IL1RAPL1: variants seen among roughly 807,000 people sequenced by gnomAD.
The protein encoded by IL1RAPL1 is interleukin-1 receptor accessory protein-like 1.
A neutral mutation model predicts 48.4 loss-of-function variants in IL1RAPL1; 3 were observed. That is an observed-to-expected ratio of 0.06 (90% CI 0.03 to 0.16). The LOEUF is 0.16. Ranked by LOEUF, IL1RAPL1 falls within the 10% of genes least tolerant of loss-of-function variation. The pLI is 1.00. For missense variants in IL1RAPL1, 349 were observed against 530.6 expected (o/e 0.66, Z 3.36); for synonymous variants, 185 against 187.7 (o/e 0.99, Z 0.12).
In IL1RAPL1 at chrX:29,408,278, T is replaced by C. The variant is rs187628647; in HGVS notation, c.703+8970T>C. Among the ~76,000 whole-genome samples the C allele has an allele frequency of 3.0e-4, 33 of 111,858 alleles. No individual in the cohort carries two copies. The East Asian group carries it at 9.2e-3, about 31-fold the overall frequency. Reference sequence around the variant, plus strand: ...ACTATATAGGATTTTTTTAGATGTATTGATTACATTACATGATTTTCATTT... The same window carrying C: ...ACTATATAGGATTTTTTTAGATGTACTGATTACATTACATGATTTTCATTT... On this transcript the variant is annotated intron_variant, in intron 5 of 10. Transcript: ENST00000378993.
intron 3 of IL1RAPL1, among the ~76,000 whole-genome samples, chrX:29,348,284 A>G (rs925685972): frequency 8.9e-6 from 1 of 112,155 alleles, no homozygotes; most frequent in African/African-American, 3.2e-5. Flanking sequence ...GAGATGGGAC[A>G]CCCCAGGTAA....
rs1037686764 is a variant in IL1RAPL1, at chrX:28,667,641, C to G, written c.-25+79594C>G. On this transcript the variant is annotated intron_variant, in intron 1 of 10. Coordinates refer to ENST00000378993, the MANE Select transcript of IL1RAPL1 (RefSeq NM_014271.4). ...TCTCCTGGTGAATGATGTTCTGAAC[C>G]TGTCTTAGGCTGTTGTATAACAAAG... 8.0e-5 allele frequency among the ~76,000 whole-genome samples: 9 copies of G among 112,156 alleles called. 1 individual carries two copies. In the Admixed American group the frequency reaches 8.5e-4, roughly 11 times the overall value.
intron 2 of IL1RAPL1, among the ~76,000 whole-genome samples, chrX:28,875,644 A>ATAGCTTGG (rs1224156894): frequency 9.0e-6 from 1 of 111,082 alleles, no homozygotes; most frequent in Non-Finnish European, 1.9e-5. Flanking sequence ...TTTCTTATGA[A>ATAGCTTGG]TAGCTTGGTG....
intron 6 of IL1RAPL1, among the ~76,000 whole-genome samples, chrX:29,692,481 C>T (rs905012614): frequency 9.0e-6 from 1 of 111,670 alleles, no homozygotes. Flanking sequence ...TTTTTGGGAC[C>T]TTTCCTACAC....
In IL1RAPL1 at chrX:29,188,762, T is replaced by G. The variant is rs568236619; in HGVS notation, c.83-94176T>G. ...CCACCATGCCTGGCTAATTTTTTTA[T>G]TTTTAGTAGAGATAGGGTTTCACTG... On this transcript the variant is annotated intron_variant, in intron 2 of 10. Coordinates refer to ENST00000378993, the MANE Select transcript of IL1RAPL1 (RefSeq NM_014271.4). Among the ~76,000 whole-genome samples, 31 of 109,045 alleles carry G rather than the reference T, an allele frequency of 2.8e-4. No individual in the cohort carries two copies. The South Asian group carries it at 0.01, about 36-fold the overall frequency. 94.7% of individuals were successfully genotyped at this position (109,045 alleles called of 115,157 possible). A position where few individuals can be genotyped will look rare whatever the true frequency, so the allele number is the denominator to read the frequency against.
intron 6 of IL1RAPL1, among the ~76,000 whole-genome samples, chrX:29,781,613 G>A (rs1929337672): frequency 8.9e-6 from 1 of 111,924 alleles, no homozygotes; most frequent in African/African-American, 3.2e-5. Context: ...ATCCCAGATT[G>A]TCTTGCAGAG....
At chrX:29,907,418 C>T (rs1932656245) in intron 6 of IL1RAPL1, among the ~76,000 whole-genome samples, 1 of 110,777 alleles carries the variant, frequency 9.0e-6, no homozygotes, top group African/African-American at 3.3e-5. Flanking sequence ...AAAATATATA[C>T]TTTCTCCTAT....
intron 2 of IL1RAPL1, among the ~76,000 whole-genome samples, chrX:28,965,293 C>T (rs1601981409): frequency 9.0e-6 from 1 of 111,187 alleles, no homozygotes; most frequent in South Asian, 3.7e-4. Flanking sequence ...TTAGCACCTG[C>T]ATTTCAAGGT....
chrX:28,687,784 A>G (rs1273120366), intron 1 of IL1RAPL1, among the ~76,000 whole-genome samples: 1 of 100,906 alleles, frequency 9.9e-6, no homozygotes, highest in Admixed American at 1.0e-4. Flanking sequence ...TCCGTCTCAG[A>G]AAAAAAAAAA....
intron 2 of IL1RAPL1, among the ~76,000 whole-genome samples, chrX:28,901,539 A>G (rs1923075080): frequency 9.0e-6 from 1 of 111,307 alleles, no homozygotes; most frequent in African/African-American, 3.3e-5. Context: ...TCCTTCCTGC[A>G]TATTGCCATT....
intron 6 of IL1RAPL1, among the ~76,000 whole-genome samples, chrX:29,784,703 T>G (rs1772209168): frequency 9.1e-6 from 1 of 109,655 alleles, no homozygotes; most frequent in African/African-American, 3.3e-5. Context: ...AACATGATAG[T>G]GAGGTTTCCA....
intron 5 of IL1RAPL1, among the ~76,000 whole-genome samples, chrX:29,604,742 C>G (rs934648201): frequency 2.7e-5 from 3 of 111,648 alleles, no homozygotes; most frequent in African/African-American, 9.8e-5. Flanking sequence ...GACCATGAAC[C>G]CAAACTGAGA....
chrX:29,676,585 T>C (rs889818418), intron 6 of IL1RAPL1, among the ~76,000 whole-genome samples: 3 of 111,758 alleles, frequency 2.7e-5, no homozygotes, highest in Non-Finnish European at 5.7e-5. Context: ...AAGTACATAG[T>C]TATAACAGAA....
At chrX:29,837,314 C>T (rs926127726) in intron 6 of IL1RAPL1, among the ~76,000 whole-genome samples, 5 of 96,431 alleles carry the variant, frequency 5.2e-5, no homozygotes, top group African/African-American at 7.8e-5. Context: ...CACACACACA[C>T]ACACACATAT....
At chrX:29,771,917 T>C (rs1234827550) in intron 6 of IL1RAPL1, among the ~76,000 whole-genome samples, 2 of 111,286 alleles carry the variant, frequency 1.8e-5, no homozygotes, top group Non-Finnish European at 3.8e-5. Context: ...ACGTCTTACA[T>C]GGCAGCAGGC....
intron 1 of IL1RAPL1, among the ~76,000 whole-genome samples, chrX:28,747,134 A>T (rs1935988696): frequency 9.0e-6 from 1 of 110,863 alleles, no homozygotes; most frequent in Non-Finnish European, 1.9e-5. Flanking sequence ...CCCTCCTACC[A>T]TATTTCATGT....
At chrX:28,896,704 G>A (rs1174522490) in intron 2 of IL1RAPL1, among the ~76,000 whole-genome samples, 1 of 110,514 alleles carries the variant, frequency 9.0e-6, no homozygotes, top group Non-Finnish European at 1.9e-5. Context: ...GGAGAGGTCA[G>A]ATGGGTCTGT....
chrX:29,788,243 AG>A (rs750138663), intron 6 of IL1RAPL1, among the ~76,000 whole-genome samples: 1 of 112,017 alleles, frequency 8.9e-6, no homozygotes, highest in East Asian at 2.8e-4. Flanking sequence ...GCACTCTTTT[AG>A]GGACGTGTGC....
At chrX:29,480,114 T>A (rs1296629167) in intron 5 of IL1RAPL1, among the ~76,000 whole-genome samples, 3 of 108,633 alleles carry the variant, frequency 2.8e-5, no homozygotes, top group African/African-American at 1.0e-4. Context: ...GTTCCCTCAA[T>A]CCCTAACAAA....
Sources: gnomAD v4.1 joint callset for allele counts (sites outside exome capture counted in the v4.1 genomes callset) on GRCh38, gnomAD v4.1.1 for gene constraint, MANE v1.5 for transcripts, NCBI Gene and HGNC (gene_info 2026-07-23, HGNC 2026-07-21) for gene names.